ABCB5: variants seen among roughly 807,000 people sequenced by gnomAD.
The protein encoded by ABCB5 is ATP binding cassette subfamily B member 5.
A neutral mutation model predicts 144.2 loss-of-function variants in ABCB5; 155 were observed. That is an observed-to-expected ratio of 1.08 (90% CI 0.94 to 1.23). The LOEUF (loss-of-function observed/expected upper bound fraction) is 1.23, where lower values mean the gene tolerates loss of function less well. Ranked by LOEUF, ABCB5 falls within the 50% of genes most tolerant of loss-of-function variation. The probability of loss-of-function intolerance (pLI) is 0.00; values close to 1 mark genes in which losing one functional copy is unlikely to be tolerated. For missense variants in ABCB5, 1,830 were observed against 1,520.8 expected (o/e 1.20, Z -3.38); for synonymous variants, 610 against 528.6 (o/e 1.15, Z -2.11).
At chr7:20,738,021 T>A (rs9638775) in intron 23 of ABCB5, among the ~76,000 whole-genome samples, 128,893 of 152,216 alleles carry the variant, frequency 0.85, 54,657 homozygotes, top group East Asian at 0.89. Flanking sequence ...CATCAGCATC[T>A]ACATCTACCC....
chr7:20,731,135 A>T (rs2128052343), intron 23 of ABCB5, among the ~76,000 whole-genome samples: 1 of 152,032 alleles, frequency 6.6e-6, no homozygotes, highest in East Asian at 1.9e-4. Context: ...TGGGTGGATC[A>T]CAAGGTCAGG....
At position 20,645,753 on chromosome 7, in the gene ABCB5, C is replaced by T; in HGVS notation, c.679-3C>T. The T allele has an allele frequency of 6.2e-7, 1 of 1,613,578 alleles. No individual in the cohort carries two copies. The highest frequency in any genetic ancestry group is 8.5e-7 in the Non-Finnish European group (1 of 1,179,648). On this transcript the variant is annotated splice_region_variant and splice_polypyrimidine_tract_variant and intron_variant, in intron 7 of 27. Transcript: ENST00000404938. ...TTTTAACTGTGGTTGTGGTTTATTA[C>T]AGATGGTCATCTCATTGACCAGTAA...
chr7:20,658,813 G>A, intron 14 of ABCB5, 137 bp downstream of exon 14: 2 of 1,114,394 alleles, frequency 1.8e-6, no homozygotes, highest in South Asian at 3.2e-5. Flanking sequence ...TTAATCCACT[G>A]AGAACTTACG....
chr7:20,726,358 C>CTTTTTTTTTTT (rs1172285058), intron 21 of ABCB5, among the ~76,000 whole-genome samples: 18 of 78,434 alleles, frequency 2.3e-4, no homozygotes, highest in South Asian at 5.8e-4. Context: ...TCTCTGCTAT[C>CTTTTTTTTTTT]TTTTTTTTTT....
At chr7:20,700,801 C>T (rs966499829) in intron 19 of ABCB5, among the ~76,000 whole-genome samples, 5 of 152,176 alleles carry the variant, frequency 3.3e-5, no homozygotes, top group African/African-American at 4.8e-5. Flanking sequence ...ACCCTGAAAG[C>T]CAGTAATCAT....
chr7:20,696,389 T>C (rs1014576452), intron 16 of ABCB5, among the ~76,000 whole-genome samples: 1 of 152,084 alleles, frequency 6.6e-6, no homozygotes, highest in Non-Finnish European at 1.5e-5. Context: ...ACTGAAAGCA[T>C]ATCAGTAGTT....
chr7:20,632,197 G>C, intron 5 of ABCB5, 84 bp downstream of exon 5: 3 of 867,130 alleles, frequency 3.5e-6, no homozygotes, highest in East Asian at 5.5e-5. Flanking sequence ...CTGAAATTTT[G>C]TATGACCATT....
At chr7:20,666,996 G>A in intron 14 of ABCB5, 1 of 786,452 alleles carries the variant, frequency 1.3e-6, no homozygotes, top group Non-Finnish European at 1.8e-6. Context: ...TGTTCACTAT[G>A]AGGAGTATAT....
In ABCB5 at chr7:20,717,883, C is replaced by CTTTTT. The variant is rs574592723; in HGVS notation, c.2422-5101_2422-5097dup. 3.2e-4 allele frequency among the ~76,000 whole-genome samples: 14 copies of CTTTTT among 43,272 alleles called. 6 individuals are homozygous for CTTTTT. The highest frequency in any genetic ancestry group is 3.7e-4 in the African/African-American group (5 of 13,666). 28.4% of individuals were successfully genotyped at this position (43,272 alleles called of 152,430 possible). A position where few individuals can be genotyped will look rare whatever the true frequency, so the allele number is the denominator to read the frequency against. ...AATACGGTAACATTCTTGTAACATT[C>CTTTTT]TTTTTTTTTTTTTTTTTTTTTTTTT... On this transcript the variant is annotated intron_variant, in intron 20 of 27. Coordinates refer to ENST00000404938, the MANE Select transcript of ABCB5 (RefSeq NM_001163941.2).
Position 20,726,111 on chromosome 7 carries a change from T to C in ABCB5, c.2626-929T>C, listed in dbSNP as rs142664592. ...TATTCTAAACCAAAACTCTCTTCCA[T>C]TTTGAATCCCATGTAATTATGCATT... On this transcript the variant is annotated intron_variant, in intron 21 of 27. Transcript: ENST00000404938. 1.1e-4 allele frequency among the ~76,000 whole-genome samples: 17 copies of C among 152,330 alleles called. No individual in the cohort carries two copies. In the East Asian group the frequency reaches 3.3e-3, roughly 29 times the overall value.
intron 14 of ABCB5, among the ~76,000 whole-genome samples, chr7:20,678,528 T>C (rs1024241719): frequency 2.4e-4 from 37 of 152,142 alleles, no homozygotes; most frequent in Non-Finnish European, 2.9e-4. Flanking sequence ...ATAGTATGAA[T>C]AGTAACAATA....
At chr7:20,683,865 T>C (rs554057603) in intron 15 of ABCB5, among the ~76,000 whole-genome samples, 4 of 152,328 alleles carry the variant, frequency 2.6e-5, no homozygotes, top group Admixed American at 2.6e-4. Flanking sequence ...TTCGTGATTA[T>C]CACAAATATC....
At chr7:20,641,298 T>C (rs914975875) in intron 5 of ABCB5, among the ~76,000 whole-genome samples, 6 of 152,034 alleles carry the variant, frequency 3.9e-5, no homozygotes, top group African/African-American at 1.2e-4. Flanking sequence ...ATCCAATACA[T>C]TGGCATTTTT....
chr7:20,718,502 T>C (rs1370719943), intron 20 of ABCB5, among the ~76,000 whole-genome samples: 2 of 152,202 alleles, frequency 1.3e-5, no homozygotes, highest in African/African-American at 4.8e-5. Flanking sequence ...TTTTACTTTT[T>C]TGAAATTTCC....
At chr7:20,619,802 A>T (rs115575323) in intron 1 of ABCB5, among the ~76,000 whole-genome samples, 2,337 of 152,234 alleles carry the variant, frequency 0.015, 55 homozygotes, top group African/African-American at 0.052. Flanking sequence ...GGGTTTTTAT[A>T]GTTTCAGGTT....
chr7:20,681,028 T>C (rs368382678), intron 14 of ABCB5, among the ~76,000 whole-genome samples: 597 of 21,892 alleles, frequency 0.027, 14 homozygotes, highest in African/African-American at 0.11. Flanking sequence ...CTTTCTTTCT[T>C]TCTTTCTCTT....
At chr7:20,685,514 A>G (rs541177276) in intron 15 of ABCB5, among the ~76,000 whole-genome samples, 182 bp from the exon 16 acceptor site, 1 of 152,322 alleles carries the variant, frequency 6.6e-6, no homozygotes, top group Admixed American at 6.5e-5. Flanking sequence ...AGTCACTAAC[A>G]TTTTAGTATG....
intron 22 of ABCB5, among the ~76,000 whole-genome samples, chr7:20,727,889 C>A (rs1197808471): frequency 6.6e-6 from 1 of 152,176 alleles, no homozygotes; most frequent in Non-Finnish European, 1.5e-5. Context: ...AGAAAGATAG[C>A]TTTTTACTCT....
Position 20,643,216 on chromosome 7 carries a change from C to CT in ABCB5, c.348dup (p.Ala117CysfsTer40). On this transcript the variant is annotated frameshift_variant, in exon 6 of 28. Transcript: ENST00000404938. LOFTEE classifies it high-confidence loss of function. ...CTGTATTATGTTGGAATAGGTGTTG[C>CT]TGCCTTGATTTTTGGTTACATACAG... The CT allele has an allele frequency of 6.2e-7, 1 of 1,612,940 alleles. No homozygotes were observed. The highest frequency in any genetic ancestry group is 1.1e-5 in the South Asian group (1 of 90,914).
Sources: allele counts gnomAD v4.1 joint callset (sites outside exome capture counted in the v4.1 genomes callset), GRCh38; gene constraint gnomAD v4.1.1; transcripts MANE v1.5; gene names NCBI Gene and HGNC (gene_info 2026-07-23, HGNC 2026-07-21).